Variants in MSN observed in about 807,000 individuals in gnomAD.
MSN encodes moesin.
Under a neutral mutation model 48.0 loss-of-function variants are expected in MSN, and 2 were observed. The observed-to-expected ratio is 0.04, with a 90% CI of 0.02 to 0.13. The LOEUF (loss-of-function observed/expected upper bound fraction) is 0.13, where lower values mean the gene tolerates loss of function less well. MSN is among the 10% of genes least tolerant of loss of function. The pLI, the probability that MSN is intolerant of heterozygous loss-of-function variation, is 1.00. For missense variants in MSN, 267 were observed against 470.1 expected (o/e 0.57, Z 3.99); for synonymous variants, 146 against 166.9 (o/e 0.87, Z 0.97).
intron 1 of MSN, among the ~76,000 whole-genome samples, chrX:65,684,969 G>T (rs751543645): frequency 3.1e-4 from 35 of 111,438 alleles, no homozygotes; most frequent in African/African-American, 1.1e-3. Context: ...GAGCTCCTGG[G>T]CTCAAGCAAT....
intron 1 of MSN, among the ~76,000 whole-genome samples, chrX:65,629,469 A>G (rs747890696): frequency 1.8e-5 from 2 of 111,935 alleles, no homozygotes; most frequent in East Asian, 5.6e-4. Context: ...ATTTTTGGGT[A>G]TCTTTTCAGT....
chrX:65,636,788 A>G (rs756086905), intron 1 of MSN, among the ~76,000 whole-genome samples: 23 of 104,617 alleles, frequency 2.2e-4, no homozygotes, highest in African/African-American at 8.0e-4. Flanking sequence ...GAAAGAAAGA[A>G]AAGAAAAGAA....
chrX:65,618,997 G>A (rs1202975633), intron 1 of MSN, among the ~76,000 whole-genome samples: 14 of 103,009 alleles, frequency 1.4e-4, no homozygotes. Flanking sequence ...GAAATTCTGG[G>A]TTGAAAATTC....
chrX:65,618,310 T>TA (rs964063087), intron 1 of MSN, among the ~76,000 whole-genome samples: 5 of 111,256 alleles, frequency 4.5e-5, no homozygotes, highest in African/African-American at 6.6e-5. Flanking sequence ...AGTGGGGTGT[T>TA]AAAGTCTCCC....
At chrX:65,649,826 G>A (rs957503480) in intron 1 of MSN, among the ~76,000 whole-genome samples, 3 of 106,824 alleles carry the variant, frequency 2.8e-5, no homozygotes, top group South Asian at 8.2e-4. Flanking sequence ...GAACAAATGA[G>A]ATAACAAAAA....
chrX:65,735,184 C>T, intron 7 of MSN, 83 bp from the exon 8 acceptor site: 1 of 1,059,389 alleles, frequency 9.4e-7, no homozygotes, highest in Non-Finnish European at 1.3e-6. Flanking sequence ...CTTTCCAGTG[C>T]TTTTGGATTT....
At chrX:65,631,884 C>T (rs1173722509) in intron 1 of MSN, among the ~76,000 whole-genome samples, 1 of 111,135 alleles carries the variant, frequency 9.0e-6, no homozygotes, top group Non-Finnish European at 1.9e-5. Flanking sequence ...AACTAAAGAC[C>T]CAGGCTCGTT....
intron 1 of MSN, among the ~76,000 whole-genome samples, chrX:65,647,053 A>G (rs2070699752): frequency 8.9e-6 from 1 of 111,794 alleles, no homozygotes; most frequent in African/African-American, 3.3e-5. Flanking sequence ...CTGGTTTTCA[A>G]TAGAGATAAA....
intron 1 of MSN, among the ~76,000 whole-genome samples, chrX:65,708,717 C>T (rs937640753): frequency 9.6e-6 from 1 of 104,489 alleles, no homozygotes; most frequent in African/African-American, 3.5e-5. Flanking sequence ...GAGTCTTGCT[C>T]TGTTGCCCAG....
At chrX:65,655,401 G>T (rs752397834) in intron 1 of MSN, among the ~76,000 whole-genome samples, 5 of 112,099 alleles carry the variant, frequency 4.5e-5, no homozygotes, top group African/African-American at 1.6e-4. Context: ...ATGACATAAT[G>T]ATTTGAAAAT....
intron 1 of MSN, among the ~76,000 whole-genome samples, chrX:65,700,346 T>C (rs1446387426): frequency 8.9e-6 from 1 of 111,825 alleles, no homozygotes; most frequent in Non-Finnish European, 1.9e-5. Context: ...CAGGTATTTG[T>C]GAAGAGATCT....
chrX:65,610,120 A>C (rs1470152024), intron 1 of MSN, among the ~76,000 whole-genome samples: 1 of 111,541 alleles, frequency 9.0e-6, no homozygotes, highest in African/African-American at 3.3e-5. Context: ...AAAATTTTCC[A>C]ACTTAACCAT....
chrX:65,707,155 A>G (rs1370715262), intron 1 of MSN, among the ~76,000 whole-genome samples: 1 of 111,500 alleles, frequency 9.0e-6, no homozygotes, highest in Non-Finnish European at 1.9e-5. Flanking sequence ...GCTGGTGCCA[A>G]GACAGAGGTA....
chrX:65,612,670 C>T (rs1170626956), intron 1 of MSN, among the ~76,000 whole-genome samples: 2 of 109,185 alleles, frequency 1.8e-5, no homozygotes, highest in African/African-American at 6.7e-5. Flanking sequence ...AAGCGATCCT[C>T]CTGCCTCAGC....
intron 1 of MSN, among the ~76,000 whole-genome samples, chrX:65,593,771 G>T (rs1470191503): frequency 8.9e-6 from 1 of 112,388 alleles, no homozygotes; most frequent in Non-Finnish European, 1.9e-5. Context: ...TTGGACTCCT[G>T]ACCTCAGGTG....
intron 1 of MSN, among the ~76,000 whole-genome samples, chrX:65,600,363 G>A (rs1157293537): frequency 9.0e-6 from 1 of 111,550 alleles, no homozygotes. Context: ...TCCTCTGTGC[G>A]TGTTTCACCT....
chrX:65,639,530 T>G (rs988225597), intron 1 of MSN, among the ~76,000 whole-genome samples: 2 of 112,062 alleles, frequency 1.8e-5, no homozygotes, highest in Non-Finnish European at 3.8e-5. Flanking sequence ...AGGTTTGCTG[T>G]CTGCCAGGGA....
chrX:65,619,209 T>C (rs2070408385), intron 1 of MSN, among the ~76,000 whole-genome samples: 1 of 103,151 alleles, frequency 9.7e-6, no homozygotes, highest in Non-Finnish European at 1.9e-5. Context: ...TCTCGAGGAG[T>C]ATCTTCGTGG....
intron 1 of MSN, among the ~76,000 whole-genome samples, chrX:65,618,289 C>G (rs2070396321): frequency 9.0e-6 from 1 of 111,112 alleles, no homozygotes; most frequent in Non-Finnish European, 1.9e-5. Flanking sequence ...GTTGATCTGT[C>G]TAATGTTGAC....
Sources: gnomAD v4.1 joint callset for allele counts (sites outside exome capture counted in the v4.1 genomes callset) on GRCh38, gnomAD v4.1.1 for gene constraint, MANE v1.5 for transcripts, NCBI Gene and HGNC (gene_info 2026-07-23, HGNC 2026-07-21) for gene names.